The following DDAH1 variants were observed in gnomAD, a reference collection of about 807,000 sequenced individuals.
The protein encoded by DDAH1 is dimethylarginine dimethylaminohydrolase 1, also known as N(G),N(G)-dimethylarginine dimethylaminohydrolase 1.
In DDAH1, 19 loss-of-function variants were observed where a neutral mutation model predicts 28.8. That is an observed-to-expected ratio of 0.66 (90% CI 0.46 to 0.97). DDAH1 has a LOEUF of 0.97. Ranked by LOEUF, DDAH1 falls within the 50% of genes least tolerant of loss-of-function variation. DDAH1 has a pLI of 0.00. For synonymous variants in DDAH1, 153 were observed against 154.4 expected (o/e 0.99, Z 0.07); for missense variants, 326 against 375.9 (o/e 0.87, Z 1.10).
intron 1 of DDAH1, among the ~76,000 whole-genome samples, chr1:85,516,230 A>C (rs1407533431): frequency 2.0e-5 from 3 of 152,062 alleles, no homozygotes; most frequent in Admixed American, 6.5e-5. Flanking sequence ...CACATGGGAT[A>C]GAAAAAAGCT....
At chr1:85,539,432 C>T (rs1297772328) in intron 1 of DDAH1, among the ~76,000 whole-genome samples, 5 of 152,210 alleles carry the variant, frequency 3.3e-5, no homozygotes, top group Admixed American at 1.3e-4. Flanking sequence ...CGGGAGCCAC[C>T]GCGCCTTGCC....
At chr1:85,377,380 G>T (rs1650728170) in intron 1 of DDAH1, among the ~76,000 whole-genome samples, 1 of 151,958 alleles carries the variant, frequency 6.6e-6, no homozygotes. Context: ...TAAATTAACA[G>T]ATTTCATTTA....
At chr1:85,481,773 A>G (rs1656023152) in intron 2 of DDAH1, among the ~76,000 whole-genome samples, 1 of 152,240 alleles carries the variant, frequency 6.6e-6, no homozygotes, top group Admixed American at 6.5e-5. Flanking sequence ...TAACTCATCC[A>G]TGAAGGCTGG....
chr1:85,360,650 CAT>C (rs1649735360), intron 1 of DDAH1, among the ~76,000 whole-genome samples: 1 of 152,108 alleles, frequency 6.6e-6, no homozygotes, highest in South Asian at 2.1e-4. Flanking sequence ...TGAGCAATAA[CAT>C]AAATTTTGGT....
chr1:85,557,044 G>A (rs1658992463), intron 1 of DDAH1, among the ~76,000 whole-genome samples: 1 of 152,118 alleles, frequency 6.6e-6, no homozygotes, highest in African/African-American at 2.4e-5. Flanking sequence ...TTGAACCCAG[G>A]AGGCAGAGGC....
At chr1:85,472,922 C>T (rs12735541) in intron 2 of DDAH1, among the ~76,000 whole-genome samples, 4,204 of 152,200 alleles carry the variant, frequency 0.028, 98 homozygotes, top group Non-Finnish European at 0.042. Context: ...GTCTTTATGT[C>T]CAGGTGTATT....
At chr1:85,471,620 C>G (rs1255088697) in intron 2 of DDAH1, among the ~76,000 whole-genome samples, 2 of 152,188 alleles carry the variant, frequency 1.3e-5, no homozygotes, top group African/African-American at 2.4e-5. Flanking sequence ...GTGATAGCCA[C>G]TAATATTAAC....
intron 1 of DDAH1, among the ~76,000 whole-genome samples, chr1:85,373,747 C>T (rs1271920113): frequency 1.3e-5 from 2 of 151,990 alleles, no homozygotes; most frequent in Admixed American, 1.3e-4. Flanking sequence ...TATAAATACC[C>T]AGGGAGAAAC....
intron 1 of DDAH1, chr1:85,447,790 A>G (rs1180855873): frequency 6.6e-6 from 1 of 152,214 alleles, no homozygotes; most frequent in Non-Finnish European, 1.5e-5. Context: ...GAATTTCCTC[A>G]TCAACAGGCT....
At chr1:85,378,989 G>A (rs1273949926) in intron 1 of DDAH1, among the ~76,000 whole-genome samples, 3 of 152,028 alleles carry the variant, frequency 2.0e-5, no homozygotes, top group South Asian at 4.2e-4. Context: ...TTCCTAATGT[G>A]CTTTAAATGC....
Position 85,404,415 on chromosome 1 carries a change from T to C in DDAH1, c.304-45568A>G, listed in dbSNP as rs994269802. 3.3e-6 allele frequency: 5 copies of C among 1,534,630 alleles called. No individual in the cohort carries two copies. The Admixed American group carries it at 9.8e-5, about 30-fold the overall frequency. On this transcript the variant is annotated intron_variant, in intron 1 of 5. Transcript: ENST00000284031. ...CTGCCATCAAATTGCCATCCAGAAC[T>C]GCTTTTGGGAAGCAGTTCCTCCGCA...
Position 85,430,704 on chromosome 1 carries a change from G to T in DDAH1, c.303+34039C>A, listed in dbSNP as rs145472456. On this transcript the variant is annotated intron_variant, in intron 1 of 5. Coordinates refer to ENST00000284031, the MANE Select transcript of DDAH1 (RefSeq NM_012137.4). The stretch of plus-strand genomic sequence containing the variant: ...CTCATGATTTGGCTCTCTATTATTG[G>T]TGTATAGGAGTGCTTGTGATTTTTG... Among the ~76,000 whole-genome samples, 682 of 151,758 alleles carry T rather than the reference G, an allele frequency of 4.5e-3. 7 individuals are homozygous for T. Among genetic ancestry groups the T allele is most frequent in the African/African-American group, 0.016 (653 of 41,420 alleles).
chr1:85,400,268 T>C (rs1039650183), intron 1 of DDAH1, among the ~76,000 whole-genome samples: 1 of 133,328 alleles, frequency 7.5e-6, no homozygotes, highest in Middle Eastern at 3.9e-3. Context: ...CTCGACTCAC[T>C]GCAACCTCCA....
In DDAH1 at chr1:85,384,667, T is replaced by C. The variant is rs527792903; in HGVS notation, c.304-25820A>G. Among the ~76,000 whole-genome samples, 27 of 152,338 alleles carry C rather than the reference T, an allele frequency of 1.8e-4. No homozygotes were observed. The South Asian group carries it at 3.9e-3, about 22-fold the overall frequency. On this transcript the variant is annotated intron_variant, in intron 1 of 5. Coordinates refer to ENST00000284031, the MANE Select transcript of DDAH1 (RefSeq NM_012137.4). ...AGCTTCAAGACTATACACCTAAACA[T>C]TGTTACTTTTCTTTCCTGACCACCT...
intron 2 of DDAH1, among the ~76,000 whole-genome samples, chr1:85,354,819 T>G (rs1367406124): frequency 6.6e-6 from 1 of 151,872 alleles, no homozygotes; most frequent in East Asian, 1.9e-4. Flanking sequence ...TACATAGCAT[T>G]AAAAGCTTAC....
chr1:85,468,150 C>T (rs1209351004), upstream of DDAH1, among the ~76,000 whole-genome samples: 3 of 152,224 alleles, frequency 2.0e-5, no homozygotes, highest in Non-Finnish European at 2.9e-5. Flanking sequence ...AACAAAACAA[C>T]TCCAACACAT....
intron 1 of DDAH1, among the ~76,000 whole-genome samples, chr1:85,364,953 G>A (rs1442520267): frequency 6.6e-6 from 1 of 152,130 alleles, no homozygotes; most frequent in African/African-American, 2.4e-5. Context: ...AAAACATATT[G>A]GGATCCTCTT....
chr1:85,493,125 A>C (rs1361873088), intron 2 of DDAH1, among the ~76,000 whole-genome samples: 1 of 151,794 alleles, frequency 6.6e-6, no homozygotes, highest in Non-Finnish European at 1.5e-5. Flanking sequence ...TTTGACCTAA[A>C]ATTTTATCTT....
At chr1:85,413,673 T>C (rs1652757674) in intron 1 of DDAH1, among the ~76,000 whole-genome samples, 1 of 152,240 alleles carries the variant, frequency 6.6e-6, no homozygotes, top group Non-Finnish European at 1.5e-5. Flanking sequence ...GCTGCTTTAT[T>C]CTTCCAGCAT....
Sources: allele counts gnomAD v4.1 joint callset (sites outside exome capture counted in the v4.1 genomes callset), GRCh38; gene constraint gnomAD v4.1.1; transcripts MANE v1.5; gene names NCBI Gene and HGNC (gene_info 2026-07-23, HGNC 2026-07-21).